The following GNB5 variants were observed in gnomAD, a reference collection of about 807,000 sequenced individuals.
The protein encoded by GNB5 is G protein subunit beta 5, also known as guanine nucleotide-binding protein subunit beta-5.
In GNB5, 37 loss-of-function variants were observed where a neutral mutation model predicts 55.3. The observed-to-expected ratio is 0.67, with a 90% CI of 0.51 to 0.88. The LOEUF is 0.88. GNB5 is among the 40% of genes least tolerant of loss of function. The pLI is 0.00. For synonymous variants in GNB5, 219 were observed against 198.5 expected, an observed-to-expected ratio of 1.10 and a Z score of -0.87; for missense variants, 476 against 515.3, an observed-to-expected ratio of 0.92 and a Z score of 0.74.
In GNB5 at chr15:52,124,742, ACT is replaced by A. The variant is rs567618783; in HGVS notation, c.1010-105_1010-104del. The A allele has an allele frequency of 1.4e-4, 135 of 974,964 alleles. 1 individual carries two copies. In the East Asian group the frequency reaches 3.1e-3, roughly 22 times the overall value. 60.4% of individuals were successfully genotyped at this position (974,964 alleles called of 1,614,324 possible). Reference sequence around the variant, plus strand: ...ATTCAGTAAGCAGTGATTCAGGCGCACTGAGTCCTAGGCACTGTGCTTTGCCT... The same window carrying A: ...ATTCAGTAAGCAGTGATTCAGGCGCAGAGTCCTAGGCACTGTGCTTTGCCT... On this transcript the variant is annotated intron_variant, in intron 11 of 12. Transcript: ENST00000261837.
chr15:52,176,313 G>A (rs1261008332), intron 3 of GNB5, among the ~76,000 whole-genome samples: 1 of 152,188 alleles, frequency 6.6e-6, no homozygotes, highest in Non-Finnish European at 1.5e-5. Context: ...CCAGCTGCAT[G>A]ACCCTGAAGG....
intron 6 of GNB5, among the ~76,000 whole-genome samples, chr15:52,142,305 T>G (rs115255539): frequency 2.0e-5 from 3 of 152,224 alleles, no homozygotes; most frequent in African/African-American, 7.2e-5. Context: ...CCAACCACCT[T>G]TCATACAAAG....
intron 3 of GNB5, among the ~76,000 whole-genome samples, chr15:52,165,841 C>T (rs2034440556): frequency 6.6e-6 from 1 of 152,114 alleles, no homozygotes; most frequent in Non-Finnish European, 1.5e-5. Flanking sequence ...TCACACATAA[C>T]AATATTAACC....
Position 52,187,449 on chromosome 15 carries a change from G to A in GNB5, c.-18-2755C>T, listed in dbSNP as rs141865599. Reference sequence around the variant, plus strand: ...GAAGAGGAAATGAGCTGCGGACAGAGGAGCAGCTATGGGAATGGAAGGCGA... The same window carrying A: ...GAAGAGGAAATGAGCTGCGGACAGAAGAGCAGCTATGGGAATGGAAGGCGA... On this transcript the variant is annotated intron_variant, in intron 1 of 12. Transcript: ENST00000261837. 2.1e-3 allele frequency among the ~76,000 whole-genome samples: 313 copies of A among 152,212 alleles called. 1 individual carries two copies. Among genetic ancestry groups the A allele is most frequent in the African/African-American group, 7.2e-3 (301 of 41,522 alleles).
intron 2 of GNB5, chr15:52,180,510 A>C (rs950871489): frequency 1.3e-5 from 2 of 152,250 alleles, no homozygotes; most frequent in African/African-American, 4.8e-5. Context: ...TCTCTGCGGC[A>C]TTAGGAGGCC....
At chr15:52,161,190 T>G (rs2034323454) in intron 3 of GNB5, among the ~76,000 whole-genome samples, 1 of 152,176 alleles carries the variant, frequency 6.6e-6, no homozygotes, top group Admixed American at 6.5e-5. Flanking sequence ...CCTTCAATAA[T>G]GGGAGAATCT....
Position 52,120,484 on chromosome 15 carries a change from ACAGT to A in GNB5, c.*2269_*2272del, listed in dbSNP as rs2033238364. The A allele has an allele frequency of 6.6e-6, 1 of 152,204 alleles. No homozygotes were observed. The highest frequency in any genetic ancestry group is 6.5e-5 in the Admixed American group (1 of 15,288). 9.4% of individuals were successfully genotyped at this position (152,204 alleles called of 1,614,324 possible). A position where few individuals can be genotyped will look rare whatever the true frequency, so the allele number is the denominator to read the frequency against. On this transcript the variant is annotated 3_prime_UTR_variant, in exon 13 of 13. Coordinates refer to ENST00000261837, the MANE Select transcript of GNB5 (RefSeq NM_016194.4). ...AAGTGGCTTTTTGGATTGGAAAGTC[ACAGT>A]CTACTTTGCACATATCCTGAAGATG...
intron 3 of GNB5, among the ~76,000 whole-genome samples, chr15:52,173,240 G>T (rs1484764493): frequency 6.6e-6 from 1 of 152,142 alleles, no homozygotes; most frequent in Non-Finnish European, 1.5e-5. Flanking sequence ...TAGGAAGTTG[G>T]GACAGACATG....
intron 3 of GNB5, among the ~76,000 whole-genome samples, chr15:52,173,173 T>C (rs1175587445): frequency 6.6e-6 from 1 of 152,092 alleles, no homozygotes; most frequent in Non-Finnish European, 1.5e-5. Flanking sequence ...AAAGAATAAA[T>C]GAATGAAAGT....
chr15:52,118,139 T>A lies in GNB5; in HGVS notation c.*4618A>T, dbSNP rs1380275767. On this transcript the variant is annotated 3_prime_UTR_variant, in exon 13 of 13. Coordinates refer to ENST00000261837, the MANE Select transcript of GNB5 (RefSeq NM_016194.4). Reference sequence around the variant, plus strand: ...TGTCCCAAAGCCTCCTCTGAAGGCTTTCCCTAGGGTGGCTCTCCTCAATCA... The same window carrying A: ...TGTCCCAAAGCCTCCTCTGAAGGCTATCCCTAGGGTGGCTCTCCTCAATCA... 1 of 152,402 alleles carries A rather than the reference T, an allele frequency of 6.6e-6. No homozygotes were observed. Among genetic ancestry groups the A allele is most frequent in the Admixed American group, 6.5e-5 (1 of 15,278 alleles). The allele number at this position is 152,402 out of a possible 1,614,324, so 9.4% of individuals were successfully genotyped here.
chr15:52,130,717 A>AG (rs1000673176), intron 9 of GNB5, among the ~76,000 whole-genome samples: 6 of 152,240 alleles, frequency 3.9e-5, no homozygotes, highest in Non-Finnish European at 8.8e-5. Context: ...CCTGGAAACC[A>AG]GGGGGGCTTT....
chr15:52,140,137 A>G (rs1313230645), intron 7 of GNB5: 3 of 268,548 alleles, frequency 1.1e-5, no homozygotes, highest in Admixed American at 5.3e-5. Context: ...GCAATTGAAC[A>G]ATTACCCAGC....
chr15:52,149,778 G>T (rs536087861), intron 5 of GNB5, 106 bp downstream of exon 5: 2 of 815,962 alleles, frequency 2.5e-6, no homozygotes, highest in Non-Finnish European at 4.3e-6. Context: ...TGCTTGCAGG[G>T]ATACATGGAG....
At chr15:52,173,518 G>A (rs530700178) in intron 3 of GNB5, among the ~76,000 whole-genome samples, 10 of 152,354 alleles carry the variant, frequency 6.6e-5, no homozygotes, top group African/African-American at 2.2e-4. Flanking sequence ...CTGAAGGCAA[G>A]AACAAGCTTG....
intron 9 of GNB5, among the ~76,000 whole-genome samples, chr15:52,131,820 A>G (rs2033584422): frequency 6.6e-6 from 1 of 152,220 alleles, no homozygotes; most frequent in African/African-American, 2.4e-5. Flanking sequence ...GAGTATAATG[A>G]AAATACTTTA....
chr15:52,165,172 G>C (rs191918487), intron 3 of GNB5, among the ~76,000 whole-genome samples: 3 of 152,222 alleles, frequency 2.0e-5, no homozygotes, highest in Non-Finnish European at 2.9e-5. Context: ...AAAAAACAAT[G>C]AAAAGGAATG....
chr15:52,133,580 G>T, intron 8 of GNB5, 111 bp from the exon 9 acceptor site: 1 of 713,192 alleles, frequency 1.4e-6, no homozygotes, highest in South Asian at 1.7e-5. Context: ...GCAAATGGTT[G>T]ACAACACACT....
intron 3 of GNB5, among the ~76,000 whole-genome samples, chr15:52,160,047 A>C (rs528775943): frequency 2.6e-5 from 4 of 151,814 alleles, no homozygotes; most frequent in African/African-American, 7.3e-5. Context: ...TCCTGGGTTC[A>C]AGCGATTCTC....
rs112539098 is a variant in GNB5 at position 52,177,650 on chromosome 15, CAAAAAAA to C, written c.238+2111_238+2117del. On this transcript the variant is annotated intron_variant, in intron 3 of 12. Coordinates refer to ENST00000261837, the MANE Select transcript of GNB5 (RefSeq NM_016194.4). ...TGGGTGACAGAGGGAGACTCCGTGTCAAAAAAAAAAAAAAAAGAAAAGAAAAGTAGAG... is the reference window on the plus strand; with the variant it reads ...TGGGTGACAGAGGGAGACTCCGTGTCAAAAAAAAAGAAAAGAAAAGTAGAG... 5.4e-5 allele frequency among the ~76,000 whole-genome samples: 5 copies of C among 92,134 alleles called. No homozygotes were observed. In the East Asian group the frequency reaches 1.3e-3, roughly 25 times the overall value. The allele number at this position is 92,134 out of a possible 152,430, so 60.4% of individuals were successfully genotyped here. A position where few individuals can be genotyped will look rare whatever the true frequency, so the allele number is the denominator to read the frequency against.
Sources: allele counts gnomAD v4.1 joint callset (sites outside exome capture counted in the v4.1 genomes callset), GRCh38; gene constraint gnomAD v4.1.1; transcripts MANE v1.5; gene names NCBI Gene and HGNC (gene_info 2026-07-23, HGNC 2026-07-21).